CDH4: variants seen among roughly 807,000 people sequenced by gnomAD.
The protein encoded by CDH4 is cadherin 4.
A neutral mutation model predicts 86.0 loss-of-function variants in CDH4; 33 were observed. The observed-to-expected ratio is 0.38, with a 90% CI of 0.29 to 0.51. The LOEUF (loss-of-function observed/expected upper bound fraction) is 0.51, where lower values mean the gene tolerates loss of function less well. Among genes scored for constraint, CDH4 ranks in the 20% least tolerant of loss-of-function variants. CDH4 has a pLI of 0.86. For missense variants in CDH4, 1,114 were observed against 1,307.4 expected, an observed-to-expected ratio of 0.85 and a Z score of 2.28; for synonymous variants, 555 against 549.4, an observed-to-expected ratio of 1.01 and a Z score of -0.14.
chr20:61,791,123 C>T (rs530919632), intron 4 of CDH4, among the ~76,000 whole-genome samples: 13 of 152,368 alleles, frequency 8.5e-5, no homozygotes, highest in East Asian at 5.8e-4. Flanking sequence ...AAAAAAATTG[C>T]GTCATGAGTT....
At chr20:61,514,306 G>GCCCCCCCCCCC (rs1215793319) in intron 2 of CDH4, among the ~76,000 whole-genome samples, 22 of 125,892 alleles carry the variant, frequency 1.7e-4, no homozygotes, top group African/African-American at 5.8e-4. Flanking sequence ...GCCTCAGTCC[G>GCCCCCCCCCCC]CCCCCCCCGC....
intron 2 of CDH4, among the ~76,000 whole-genome samples, chr20:61,459,112 C>A (rs1039298291): frequency 6.6e-6 from 1 of 152,248 alleles, no homozygotes; most frequent in East Asian, 1.9e-4. Context: ...GGAGAGGCCC[C>A]AGTGGCCCCA....
At chr20:61,847,531 C>CAAACATGCCGTGT (rs1320056569) in intron 5 of CDH4, among the ~76,000 whole-genome samples, 6 of 152,238 alleles carry the variant, frequency 3.9e-5, no homozygotes, top group East Asian at 1.9e-4. Context: ...CCATGCCGTG[C>CAAACATGCCGTGT]AAACATGCCG....
intron 4 of CDH4, among the ~76,000 whole-genome samples, chr20:61,793,385 C>A (rs1357803901): frequency 6.6e-6 from 1 of 152,186 alleles, no homozygotes; most frequent in East Asian, 1.9e-4. Flanking sequence ...GGCACATAAA[C>A]AGATTTCATG....
chr20:61,492,933 T>G (rs1213882957), intron 2 of CDH4, among the ~76,000 whole-genome samples: 1 of 152,198 alleles, frequency 6.6e-6, no homozygotes, highest in East Asian at 1.9e-4. Context: ...ATGAGCCAAG[T>G]TGGCAGTGGA....
chr20:61,749,920 G>T (rs554411014), intron 3 of CDH4, among the ~76,000 whole-genome samples: 6 of 152,148 alleles, frequency 3.9e-5, no homozygotes, highest in Non-Finnish European at 4.4e-5. Context: ...AGTTAGCCAG[G>T]CATGGTGGCA....
At chr20:61,682,729 A>T (rs1276084103) in intron 2 of CDH4, among the ~76,000 whole-genome samples, 1 of 152,160 alleles carries the variant, frequency 6.6e-6, no homozygotes, top group Non-Finnish European at 1.5e-5. Flanking sequence ...CACGCCAGGA[A>T]TGTCTGATGT....
At chr20:61,303,033 T>A (rs568148200) in intron 2 of CDH4, among the ~76,000 whole-genome samples, 1 of 152,318 alleles carries the variant, frequency 6.6e-6, no homozygotes, top group South Asian at 2.1e-4. Context: ...ACTTGGCTCT[T>A]GGCCCAGGGA....
chr20:61,298,072 G>T (rs530546339), intron 2 of CDH4, among the ~76,000 whole-genome samples: 21 of 152,340 alleles, frequency 1.4e-4, no homozygotes, highest in Non-Finnish European at 2.8e-4. Flanking sequence ...CTTTGTGCAG[G>T]CGGGTTCAGC....
At chr20:61,872,619 C>T (rs552253850) in intron 6 of CDH4, among the ~76,000 whole-genome samples, 7 of 152,302 alleles carry the variant, frequency 4.6e-5, no homozygotes, top group South Asian at 4.1e-4. Flanking sequence ...TGTGCATGAA[C>T]GCTGCAGGGC....
At chr20:61,271,201 A>G (rs750220689) in intron 2 of CDH4, among the ~76,000 whole-genome samples, 27 of 152,266 alleles carry the variant, frequency 1.8e-4, no homozygotes, top group African/African-American at 2.4e-4. Flanking sequence ...ACTTCTTCCT[A>G]TCGGCATCTC....
intron 4 of CDH4, among the ~76,000 whole-genome samples, chr20:61,787,131 C>A (rs1013558025): frequency 2.0e-5 from 3 of 151,740 alleles, no homozygotes; most frequent in African/African-American, 7.3e-5. Flanking sequence ...TCCGTCTGTC[C>A]GTCCATCCAT....
intron 3 of CDH4, among the ~76,000 whole-genome samples, chr20:61,746,095 G>T (rs1456823530): frequency 6.6e-6 from 1 of 152,144 alleles, no homozygotes; most frequent in African/African-American, 2.4e-5. Flanking sequence ...AAACCAGGCA[G>T]CAGAGCGTGC....
intron 2 of CDH4, among the ~76,000 whole-genome samples, chr20:61,282,832 C>T (rs1411969533): frequency 2.7e-5 from 4 of 150,036 alleles, no homozygotes; most frequent in South Asian, 4.2e-4. Context: ...CACGTGTGTG[C>T]GTGTGATGCA....
At chr20:61,259,598 C>A (rs1285360626) in intron 2 of CDH4, among the ~76,000 whole-genome samples, 4 of 152,168 alleles carry the variant, frequency 2.6e-5, no homozygotes, top group African/African-American at 9.7e-5. Flanking sequence ...CCATAAGTGG[C>A]ACTAATGATA....
chr20:61,803,839 C>T (rs925751007), intron 4 of CDH4, among the ~76,000 whole-genome samples: 33 of 152,118 alleles, frequency 2.2e-4, no homozygotes, highest in Admixed American at 6.5e-5. Context: ...AACTGAAAAA[C>T]ACACGCCACC....
At chr20:61,912,046 A>C (rs1600765162) in intron 9 of CDH4, among the ~76,000 whole-genome samples, 1 of 152,092 alleles carries the variant, frequency 6.6e-6, no homozygotes. Context: ...TGCTGTGCAC[A>C]CCTTTCAGCT....
Position 61,575,569 on chromosome 20 carries a change from C to G in CDH4, c.170-167994C>G, listed in dbSNP as rs1223614448. Among the ~76,000 whole-genome samples, 43 of 152,362 alleles carry G rather than the reference C, an allele frequency of 2.8e-4. 1 individual carries two copies. The highest frequency in any genetic ancestry group is 1.5e-5 in the Non-Finnish European group (1 of 68,036). On this transcript the variant is annotated intron_variant, in intron 2 of 15. Transcript: ENST00000614565. ...GCAATGGAGAGAAGGGATCATGATTCTATAGAACAGGGCTTAGCAACCTGG... is the reference window on the plus strand; with the variant it reads ...GCAATGGAGAGAAGGGATCATGATTGTATAGAACAGGGCTTAGCAACCTGG...
intron 2 of CDH4, among the ~76,000 whole-genome samples, chr20:61,571,779 C>T (rs957628196): frequency 6.7e-6 from 1 of 149,086 alleles, no homozygotes; most frequent in African/African-American, 2.5e-5. Context: ...TTCCCCACCC[C>T]TTCCCGCCCC....
Sources: allele counts gnomAD v4.1 joint callset (sites outside exome capture counted in the v4.1 genomes callset), GRCh38; gene constraint gnomAD v4.1.1; transcripts MANE v1.5; gene names NCBI Gene and HGNC (gene_info 2026-07-23, HGNC 2026-07-21).